The following TMEM260 variants were observed in gnomAD, a reference collection of about 807,000 sequenced individuals.
TMEM260 encodes the protein protein O-mannosyl-transferase TMEM260.
A neutral mutation model predicts 88.9 loss-of-function variants in TMEM260; 82 were observed. The observed-to-expected ratio is 0.92, with a 90% CI of 0.77 to 1.11. The LOEUF (loss-of-function observed/expected upper bound fraction) is 1.11, where lower values mean the gene tolerates loss of function less well. Ranked by LOEUF, TMEM260 falls within the 50% of genes least tolerant of loss-of-function variation. The pLI is 0.00. For missense variants in TMEM260, 902 were observed against 853.4 expected (o/e 1.06, Z -0.71); for synonymous variants, 314 against 309.3 (o/e 1.02, Z -0.16).
chr14:56,657,354 C>G, the TMEM260 span, among the ~76,000 whole-genome samples: 1 of 152,128 alleles, frequency 6.6e-6, no homozygotes, highest in Non-Finnish European at 1.5e-5. Context: ...GTTGCCCCGG[C>G]TGGTCATGAA....
At chr14:56,619,681 T>C (rs556002297) in intron 10 of TMEM260, among the ~76,000 whole-genome samples, 8 of 152,352 alleles carry the variant, frequency 5.3e-5, no homozygotes, top group African/African-American at 1.9e-4. Context: ...GGAATTTTGC[T>C]ATAGTGAGAT....
chr14:56,625,480 T>C lies in TMEM260; in HGVS notation c.1497T>C (p.Pro499=), dbSNP rs148105654. The C allele has an allele frequency of 8.7e-5, 140 of 1,611,416 alleles. No individual in the cohort carries two copies. In the African/African-American group the frequency reaches 1.8e-3, roughly 20 times the overall value. Residue 499 remains proline (P), a synonymous_variant, in exon 12 of 16, where the codon CCT becomes CCC. Transcript: ENST00000261556. ...GGAATCCTGTGGAAGGAATATTACC[T>C]AGTGGAATGGTCACATTTAATCTTT... ...NRWNPVEGIL[P]SGMVTFNLYH... is the part of the protein sequence containing the mutation.
downstream of TMEM260, among the ~76,000 whole-genome samples, chr14:56,653,515 C>G (rs761023359): frequency 1.3e-5 from 2 of 151,920 alleles, no homozygotes; most frequent in Non-Finnish European, 2.9e-5. Context: ...GGGTGGATCA[C>G]TTGAGGTCAG....
chr14:56,618,731 T>A lies in TMEM260; in HGVS notation c.1194T>A (p.Leu398=). The change falls in exon 10 of 16, where the codon CTT becomes CTA. Residue 398 remains leucine, a synonymous_variant. Transcript: ENST00000261556. ...LQCLEWLSAT[L]FVVYQIYSNY... is the part of the protein sequence containing the mutation. ...GTCTGGAATGGCTTTCTGCAACTCT[T>A]TTTGTAGTTTACCAAATATATTCTA... 6.2e-7 allele frequency: 1 copy of A among 1,614,194 alleles called. No individual in the cohort carries two copies. Among genetic ancestry groups the A allele is most frequent in the African/African-American group, 1.3e-5 (1 of 75,054 alleles).
At position 56,647,400 on chromosome 14, in the gene TMEM260, A is replaced by G. The variant is rs1413834949; in HGVS notation, c.2027A>G (p.Gln676Arg). 7.4e-6 allele frequency: 12 copies of G among 1,614,210 alleles called. No individual in the cohort carries two copies. The highest frequency in any genetic ancestry group is 9.3e-6 in the Non-Finnish European group (11 of 1,180,042). The change falls in exon 16 of 16, where the codon CAG (glutamine) becomes CGG (arginine). Residue 676 changes from glutamine (Q) to arginine (R), a missense_variant. By Grantham distance (43) the Gln-to-Arg change is conservative (BLOSUM62 1). Transcript: ENST00000261556. ...ETIRHFRLYS[Q>R]KAPNDPQQAD... is the part of the protein sequence containing the mutation. Reference sequence around the variant, plus strand: ...ATCAGACATTTCCGTCTGTACTCTCAGAAAGCACCGAATGACCCACAGCAA... The same window carrying G: ...ATCAGACATTTCCGTCTGTACTCTCGGAAAGCACCGAATGACCCACAGCAA...
At chr14:56,639,218 A>C (rs1889372195) in intron 15 of TMEM260, among the ~76,000 whole-genome samples, 1 of 152,170 alleles carries the variant, frequency 6.6e-6, no homozygotes, top group Non-Finnish European at 1.5e-5. Context: ...AACACAATCT[A>C]GTATTTGATA....
chr14:56,607,438 C>T (rs1886981026), intron 5 of TMEM260, among the ~76,000 whole-genome samples: 1 of 152,098 alleles, frequency 6.6e-6, no homozygotes, highest in Admixed American at 6.5e-5. Flanking sequence ...AACTGTGACT[C>T]TTTATTTCCC....
Position 56,641,811 on chromosome 14 carries a change from T to A in TMEM260, c.1869+5213T>A, listed in dbSNP as rs574668597. On this transcript the variant is annotated intron_variant, in intron 15 of 15. Transcript: ENST00000261556. Reference sequence around the variant, plus strand: ...ACACACATAGGCTCAAAATAAAGGGTTGGAGGAAGATCTATCAAGCAAATG... The same window carrying A: ...ACACACATAGGCTCAAAATAAAGGGATGGAGGAAGATCTATCAAGCAAATG... Among the ~76,000 whole-genome samples, 7 of 151,902 alleles carry A rather than the reference T, an allele frequency of 4.6e-5. No individual in the cohort carries two copies. In the South Asian group the frequency reaches 8.3e-4, roughly 18 times the overall value.
At chr14:56,650,189 C>G (rs1373870791), downstream of TMEM260, 1 of 415,678 alleles carries the variant, frequency 2.4e-6, no homozygotes, top group African/African-American at 2.1e-5. Flanking sequence ...CTAGCAGTGT[C>G]CCGGGAGTGC....
chr14:56,609,311 A>G (rs767414273), intron 6 of TMEM260, 26 bp downstream of exon 6: 1 of 1,602,500 alleles, frequency 6.2e-7, no homozygotes, highest in Non-Finnish European at 8.5e-7. Context: ...AAGCCCTTCT[A>G]AGGAAACAAG....
intron 12 of TMEM260, among the ~76,000 whole-genome samples, chr14:56,631,797 G>C (rs1419573341): frequency 7.9e-5 from 12 of 152,048 alleles, no homozygotes; most frequent in African/African-American, 2.4e-5. Context: ...AGATCTTTTC[G>C]GGAAGCTGCT....
intron 11 of TMEM260, among the ~76,000 whole-genome samples, chr14:56,622,213 C>G (rs550850369): frequency 2.0e-5 from 3 of 151,684 alleles, no homozygotes; most frequent in Admixed American, 6.6e-5. Flanking sequence ...TGTGGTGGCA[C>G]GCGCCTGTAG....
intron 3 of TMEM260, among the ~76,000 whole-genome samples, chr14:56,594,534 A>G (rs1415979859): frequency 1.3e-5 from 2 of 152,210 alleles, no homozygotes; most frequent in Non-Finnish European, 2.9e-5. Context: ...TGAAAATACA[A>G]TCATGTTTTT....
At chr14:56,632,704 C>T (rs1436456770) in intron 12 of TMEM260, among the ~76,000 whole-genome samples, 1 of 152,118 alleles carries the variant, frequency 6.6e-6, no homozygotes, top group Non-Finnish European at 1.5e-5. Flanking sequence ...CCCACCTCAG[C>T]CCCAAAGTGC....
rs201705257 is a variant in TMEM260, at chr14:56,636,519, C to A, written c.1790C>A (p.Pro597Gln). ...EEMWQARMKT[P>Q]FFIFNLAETA... ...ATCCCCACCCCCAGGATGAAAACAC[C>A]GTTCTTCATCTTTAACCTGGCAGAA... Residue 597 changes from proline to glutamine, a missense_variant, in exon 15 of 16, where the codon CCG (proline) becomes CAG (glutamine). Physicochemically the swap from Pro to Gln is moderately conservative, Grantham distance 76. Coordinates refer to ENST00000261556, the MANE Select transcript of TMEM260 (RefSeq NM_017799.4). The A allele has an allele frequency of 3.1e-6, 5 of 1,613,646 alleles. No homozygotes were observed. In the African/African-American group the frequency reaches 5.3e-5, roughly 17 times the overall value.
downstream of TMEM260, among the ~76,000 whole-genome samples, chr14:56,652,019 TTAGA>T (rs1173208750): frequency 4.6e-5 from 7 of 152,340 alleles, no homozygotes; most frequent in African/African-American, 2.4e-5. Flanking sequence ...AAATATTCCC[TTAGA>T]TAGTTGAACT....
At chr14:56,614,202 A>G (rs1887460076) in intron 7 of TMEM260, among the ~76,000 whole-genome samples, 1 of 144,286 alleles carries the variant, frequency 6.9e-6, no homozygotes, top group South Asian at 2.3e-4. Flanking sequence ...AGCTAACACA[A>G]CCGGCCTACA....
chr14:56,596,425 T>TATATATATAC (rs1490067903), intron 3 of TMEM260, among the ~76,000 whole-genome samples: 8 of 135,634 alleles, frequency 5.9e-5, no homozygotes, highest in African/African-American at 2.3e-4. Context: ...TATATATATA[T>TATATATATAC]ACATACACAC....
intron 12 of TMEM260, among the ~76,000 whole-genome samples, chr14:56,630,934 A>T (rs1309253946): frequency 6.6e-6 from 1 of 152,092 alleles, no homozygotes; most frequent in Admixed American, 6.6e-5. Flanking sequence ...TTGCAGTGCT[A>T]TTTGGATTAA....
Sources: gnomAD v4.1 joint callset for allele counts (sites outside exome capture counted in the v4.1 genomes callset) on GRCh38, gnomAD v4.1.1 for gene constraint, MANE v1.5 for transcripts, NCBI Gene and HGNC (gene_info 2026-07-23, HGNC 2026-07-21) for gene names.